The following CYTH2 variants were observed in gnomAD, a reference collection of about 807,000 sequenced individuals.
CYTH2 encodes the protein cytohesin 2, also known as cytohesin-2.
Under a neutral mutation model 55.4 loss-of-function variants are expected in CYTH2, and 24 were observed. The observed-to-expected ratio is 0.43, with a 90% CI of 0.31 to 0.61. CYTH2 has a LOEUF of 0.61. Ranked by LOEUF, CYTH2 falls within the 20% of genes least tolerant of loss-of-function variation. The pLI, the probability that CYTH2 is intolerant of heterozygous loss-of-function variation, is 0.08. For synonymous variants in CYTH2, 221 were observed against 209.6 expected, an observed-to-expected ratio of 1.05 and a Z score of -0.47; for missense variants, 378 against 533.5, an observed-to-expected ratio of 0.71 and a Z score of 2.87.
At position 48,478,130 on chromosome 19, in the gene CYTH2, C is replaced by T. The variant is rs1230961215; in HGVS notation, c.870C>T (p.Tyr290=). 2.1e-5 allele frequency: 34 copies of T among 1,614,040 alleles called. No homozygotes were observed. The East Asian group carries it at 4.0e-4, about 19-fold the overall frequency. Residue 290 remains tyrosine, a synonymous_variant, in exon 9 of 12, where the codon TAC becomes TAT. Transcript: ENST00000452733. ...TCCTCACAGACAACTGCCTCTACTACTTTGAGTACACCACGGTGAGCGTGA... is the reference window on the plus strand; with the variant it reads ...TCCTCACAGACAACTGCCTCTACTATTTTGAGTACACCACGGTGAGCGTGA... ...WFILTDNCLY[Y]FEYTTDKEPR...
In CYTH2 at chr19:48,474,752, C is replaced by T. The variant is rs1971875223; in HGVS notation, c.697-86C>T. 9 of 1,135,060 alleles carry T rather than the reference C, an allele frequency of 7.9e-6. No individual in the cohort carries two copies. The highest frequency in any genetic ancestry group is 1.2e-5 in the Non-Finnish European group (9 of 753,028). The allele number at this position is 1,135,060 out of a possible 1,614,324, so 70.3% of individuals were successfully genotyped here. On this transcript the variant is annotated intron_variant, in intron 7 of 11. Transcript: ENST00000452733. The surrounding 1 kb of genome is among the most constrained non-coding windows in gnomAD (Gnocchi z 4.9). ...CTCTCTTCCCCACTATGAGTCATCCCATCCCTGGTCTCGCTGCCCCCCACC... is the reference window on the plus strand; with the variant it reads ...CTCTCTTCCCCACTATGAGTCATCCTATCCCTGGTCTCGCTGCCCCCCACC...
rs1972055465 is a variant in CYTH2 at position 48,482,284 on chromosome 19, A to C, written c.*3074A>C. 1 of 151,966 alleles carries C rather than the reference A, an allele frequency of 6.6e-6. No homozygotes were observed. Among genetic ancestry groups the C allele is most frequent in the Admixed American group, 6.6e-5 (1 of 15,244 alleles). The allele number at this position is 151,966 out of a possible 1,614,324, so 9.4% of individuals were successfully genotyped here. ...ATTGTGTCTCCCCCACCCCCACAAAAAACTTTATATTAAAATCCTAACCCC... is the reference window on the plus strand; with the variant it reads ...ATTGTGTCTCCCCCACCCCCACAAACAACTTTATATTAAAATCCTAACCCC... On this transcript the variant is annotated 3_prime_UTR_variant, in exon 12 of 12. Coordinates refer to ENST00000452733, the MANE Select transcript of CYTH2 (RefSeq NM_004228.7).
chr19:48,477,797 T>G lies in CYTH2; in HGVS notation c.809-272T>G, dbSNP rs976344649. 5 of 488,394 alleles carry G rather than the reference T, an allele frequency of 1.0e-5. No homozygotes were observed. In the East Asian group the frequency reaches 1.3e-4, roughly 12 times the overall value. 30.3% of individuals were successfully genotyped at this position (488,394 alleles called of 1,614,324 possible). A position where few individuals can be genotyped will look rare whatever the true frequency, so the allele number is the denominator to read the frequency against. Reference sequence around the variant, plus strand: ...GCCCTGGCGCCCTGGCGCCCTGGCCTCCTGCCCACAGGAGGAGGGGGCTGG... The same window carrying G: ...GCCCTGGCGCCCTGGCGCCCTGGCCGCCTGCCCACAGGAGGAGGGGGCTGG... On this transcript the variant is annotated intron_variant, in intron 8 of 11. Transcript: ENST00000452733.
chr19:48,471,395 G>A (rs529054618), intron 3 of CYTH2, among the ~76,000 whole-genome samples: 4 of 152,136 alleles, frequency 2.6e-5, no homozygotes, highest in East Asian at 3.9e-4. Context: ...CAGGTGATCC[G>A]CCCGCCTCAG....
intron 8 of CYTH2, chr19:48,477,695 G>T (rs1246203049): frequency 2.5e-5 from 6 of 240,944 alleles, no homozygotes; most frequent in Non-Finnish European, 4.9e-5. Context: ...GGTCCTGCCT[G>T]CTTTCTCGCT....
chr19:48,469,708 C>T, intron 1 of CYTH2, 182 bp downstream of exon 1: 1 of 991,954 alleles, frequency 1.0e-6, no homozygotes, highest in Non-Finnish European at 1.4e-6. Context: ...GCCGGGCGTT[C>T]CAGGCCATTG....
At chr19:48,469,941 C>G in intron 1 of CYTH2, 2 of 554,412 alleles carry the variant, frequency 3.6e-6, no homozygotes, top group East Asian at 4.6e-5. Context: ...TCAGTTCCCC[C>G]GGCTGTAGTG....
chr19:48,478,383 G>T (rs1321403114), intron 10 of CYTH2, 37 bp downstream of exon 10: 3 of 1,613,584 alleles, frequency 1.9e-6, no homozygotes, highest in Non-Finnish European at 2.5e-6. Flanking sequence ...GCCAGGGCGG[G>T]GCCTCCTCTG....
intron 8 of CYTH2, 119 bp downstream of exon 8, chr19:48,475,068 T>C (rs11083939): frequency 0.043 from 37,874 of 877,686 alleles, 3,954 homozygotes; most frequent in African/African-American, 0.35. Flanking sequence ...TCGACCTCTC[T>C]GAACCTCAGT....
chr19:48,475,881 T>C, intron 8 of CYTH2: 1 of 313,956 alleles, frequency 3.2e-6, no homozygotes, highest in Non-Finnish European at 6.6e-6. Context: ...TGGTTTATAA[T>C]GGAGACACGG....
intron 1 of CYTH2, 119 bp downstream of exon 1, chr19:48,469,645 C>A: frequency 7.4e-7 from 1 of 1,359,208 alleles, no homozygotes; most frequent in Non-Finnish European, 9.7e-7. Flanking sequence ...CAGTCGTAGA[C>A]TTGTCGCGCC....
rs145365020 is a variant in CYTH2, at chr19:48,475,354, T to C, written c.808+405T>C. ...TCCCCTTGGCAAGAACTCCCAGGGT[T>C]CCAGGCAGGACTGACCCCGCACTCC... On this transcript the variant is annotated intron_variant, in intron 8 of 11. Coordinates refer to ENST00000452733, the MANE Select transcript of CYTH2 (RefSeq NM_004228.7). 2.0e-3 allele frequency: 372 copies of C among 182,654 alleles called. 3 individuals are homozygous for C. The highest frequency in any genetic ancestry group is 8.3e-3 in the African/African-American group (349 of 42,002). 11.3% of individuals were successfully genotyped at this position (182,654 alleles called of 1,614,324 possible). A position where few individuals can be genotyped will look rare whatever the true frequency, so the allele number is the denominator to read the frequency against.
In CYTH2 at chr19:48,481,877, A is replaced by C. The variant is rs1972049964; in HGVS notation, c.*2667A>C. Reference sequence around the variant, plus strand: ...TTTGTCCTCACTAAAATTCATGTTGAGATTCGAGCCCCAGTGTGGCAGGTG... The same window carrying C: ...TTTGTCCTCACTAAAATTCATGTTGCGATTCGAGCCCCAGTGTGGCAGGTG... On this transcript the variant is annotated 3_prime_UTR_variant, in exon 12 of 12. Transcript: ENST00000452733. The C allele has an allele frequency of 6.7e-6, 1 of 149,790 alleles. No individual in the cohort carries two copies. 9.3% of individuals were successfully genotyped at this position (149,790 alleles called of 1,614,324 possible).
chr19:48,475,038 C>T (rs1971884440), intron 8 of CYTH2, 89 bp downstream of exon 8: 4 of 1,173,756 alleles, frequency 3.4e-6, no homozygotes, highest in Non-Finnish European at 4.9e-6. Flanking sequence ...ACACCTGCTG[C>T]CTGAACTGAG....
At position 48,472,460 on chromosome 19, in the gene CYTH2, G is replaced by A. The variant is rs1160572447; in HGVS notation, c.353+17G>A. 2 of 1,607,582 alleles carry A rather than the reference G, an allele frequency of 1.2e-6. No homozygotes were observed. The highest frequency in any genetic ancestry group is 1.7e-6 in the Non-Finnish European group (2 of 1,176,800). The stretch of plus-strand genomic sequence containing the variant: ...GGGGGAGAGGTACGGTCACCACTCA[G>A]CTCCTGTGGGGCCCCTCCCTCCCAC... On this transcript the variant is annotated intron_variant, in intron 4 of 11. Coordinates refer to ENST00000452733, the MANE Select transcript of CYTH2 (RefSeq NM_004228.7).
chr19:48,479,164 C>G lies in CYTH2; in HGVS notation c.1154C>G (p.Ala385Gly), dbSNP rs759539903. 14 of 1,613,922 alleles carry G rather than the reference C, an allele frequency of 8.7e-6. No homozygotes were observed. Among genetic ancestry groups the G allele is most frequent in the Non-Finnish European group, 1.2e-5 (14 of 1,179,972 alleles). The change falls in exon 12 of 12, where the codon GCG becomes GGG. Residue 385 changes from alanine to glycine, a missense_variant. By Grantham distance (60) the Ala-to-Gly change is moderately conservative (BLOSUM62 0). Coordinates refer to ENST00000452733, the MANE Select transcript of CYTH2 (RefSeq NM_004228.7). ...SVDPFYEMLA[A>G]RKKRISVKKK... ...GACCCCTTCTATGAGATGCTGGCAG[C>G]GAGAAAGAAGCGGATTTCAGTCAAG...
intron 11 of CYTH2, among the ~76,000 whole-genome samples, 197 bp from the exon 12 acceptor site, chr19:48,478,926 C>T: frequency 7.1e-6 from 1 of 139,900 alleles, no homozygotes; most frequent in African/African-American, 2.7e-5. Flanking sequence ...GGGCCGGGGG[C>T]CTGGACTCCT....
Position 48,480,620 on chromosome 19 carries a change from T to G in CYTH2, c.*1410T>G, listed in dbSNP as rs1569094546. On this transcript the variant is annotated 3_prime_UTR_variant, in exon 12 of 12. Transcript: ENST00000452733. The stretch of plus-strand genomic sequence containing the variant: ...CCGAGACTCCGTGGCGGCGTTTGTC[T>G]TCTTTTTCTTAGTCAGATCCCGTAC... 1 of 152,210 alleles carries G rather than the reference T, an allele frequency of 6.6e-6. No individual in the cohort carries two copies. The highest frequency in any genetic ancestry group is 6.5e-5 in the Admixed American group (1 of 15,288). The allele number at this position is 152,210 out of a possible 1,614,324, so 9.4% of individuals were successfully genotyped here.
rs1234446191 is a variant in CYTH2 at position 48,469,383 on chromosome 19, G to T, written c.-125G>T. 2 of 1,120,020 alleles carry T rather than the reference G, an allele frequency of 1.8e-6. No homozygotes were observed. The highest frequency in any genetic ancestry group is 3.2e-5 in the East Asian group (1 of 30,982). The allele number at this position is 1,120,020 out of a possible 1,614,324, so 69.4% of individuals were successfully genotyped here. The stretch of plus-strand genomic sequence containing the variant: ...AGAGTCTTTTCAGCGCTGAGGACTG[G>T]CGCTGAGGAGGCGGCGGTGGCTCCC... On this transcript the variant is annotated 5_prime_UTR_variant, in exon 1 of 12. Transcript: ENST00000452733.
Sources: allele counts gnomAD v4.1 joint callset (sites outside exome capture counted in the v4.1 genomes callset), GRCh38; gene constraint gnomAD v4.1.1; non-coding constraint Gnocchi (gnomAD v3.1); transcripts MANE v1.5; gene names NCBI Gene and HGNC (gene_info 2026-07-23, HGNC 2026-07-21).